COL12A1: variants seen among roughly 807,000 people sequenced by gnomAD.
COL12A1 encodes collagen alpha-1(XII) chain.
Under a neutral mutation model 349.7 loss-of-function variants are expected in COL12A1, and 114 were observed. The ratio of observed to expected loss-of-function variants is 0.33; its 90% CI spans 0.28 to 0.38. The LOEUF is 0.38. Among genes scored for constraint, COL12A1 ranks in the 10% least tolerant of loss-of-function variants. The probability of loss-of-function intolerance (pLI) is 1.00; values close to 1 mark genes in which losing one functional copy is unlikely to be tolerated. For synonymous variants in COL12A1, 1,369 were observed against 1,329.0 expected (o/e 1.03, Z -0.66); for missense variants, 3,284 against 3,756.9 (o/e 0.87, Z 3.29).
chr6:75,171,751 T>C (rs1304135719), intron 13 of COL12A1, among the ~76,000 whole-genome samples: 1 of 152,234 alleles, frequency 6.6e-6, no homozygotes. Flanking sequence ...CTGTATATGG[T>C]ATGTGGATTT....
chr6:75,133,548 A>C (rs989204141), intron 33 of COL12A1, 126 bp from the exon 34 acceptor site: 2 of 977,246 alleles, frequency 2.0e-6, no homozygotes, highest in Non-Finnish European at 3.0e-6. Context: ...AGGATGTCAT[A>C]ATAAGCCCCC....
At chr6:75,102,785 C>T in intron 55 of COL12A1, 93 bp from the exon 56 acceptor site, 2 of 615,310 alleles carry the variant, frequency 3.3e-6, no homozygotes, top group Non-Finnish European at 2.5e-6. Flanking sequence ...AACTCTAAGA[C>T]ATCAATCATA....
rs1769264125 is a variant in COL12A1, at chr6:75,181,202, G to A, written c.1901C>T (p.Pro634Leu). 2 of 1,575,360 alleles carry A rather than the reference G, an allele frequency of 1.3e-6. No homozygotes were observed. The highest frequency in any genetic ancestry group is 1.8e-5 in the Admixed American group (1 of 54,096). Residue 634 changes from proline to leucine, a missense_variant, in exon 11 of 66, where the codon CCT (proline) becomes CTT (leucine). Transcript: ENST00000322507. ...LAAIKKKAYV[P>L]PKDLSFSEVT... ...TTCTGAAAAACTAAGATCCTTTGGA[G>A]GGACGTAAGCTATTTAAAAAAAAAA...
chr6:75,163,453 G>A (rs1483495056), intron 14 of COL12A1, among the ~76,000 whole-genome samples: 1 of 152,128 alleles, frequency 6.6e-6, no homozygotes, highest in Non-Finnish European at 1.5e-5. Flanking sequence ...ATAAGTGGGA[G>A]TTGAACAATA....
intron 57 of COL12A1, 76 bp from the exon 58 acceptor site, chr6:75,101,729 A>G (rs1370039372): frequency 6.5e-7 from 1 of 1,544,578 alleles, no homozygotes; most frequent in Non-Finnish European, 8.8e-7. Context: ...TTATTTTCCA[A>G]ATTTTTTTTT....
intron 64 of COL12A1, 41 bp downstream of exon 64, chr6:75,089,065 T>G (rs761904564): frequency 5.7e-5 from 80 of 1,392,386 alleles, no homozygotes; most frequent in Non-Finnish European, 7.9e-5. Flanking sequence ...GCCCTCTCGG[T>G]ATTTATAGTC....
chr6:75,194,659 G>A (rs1019105014), intron 3 of COL12A1, among the ~76,000 whole-genome samples, 172 bp downstream of exon 3: 4 of 151,874 alleles, frequency 2.6e-5, no homozygotes, highest in Non-Finnish European at 5.9e-5. Context: ...ATATAATAGT[G>A]GACACTAGAC....
At position 75,089,962 on chromosome 6, in the gene COL12A1, A is replaced by G. The variant is rs1306953201; in HGVS notation, c.8941+148T>C. 5.6e-6 allele frequency: 4 copies of G among 710,806 alleles called. No individual in the cohort carries two copies. The South Asian group carries it at 7.1e-5, about 13-fold the overall frequency. The allele number at this position is 710,806 out of a possible 1,614,324, so 44.0% of individuals were successfully genotyped here. A position where few individuals can be genotyped will look rare whatever the true frequency, so the allele number is the denominator to read the frequency against. On this transcript the variant is annotated intron_variant, in intron 63 of 65. Transcript: ENST00000322507. The stretch of plus-strand genomic sequence containing the variant: ...AAGACATGGATCTCTATGGCCTATG[A>G]GTTGCCTAACAGCTCTTCTGAGGCT...
chr6:75,133,499 C>G, intron 33 of COL12A1, 77 bp from the exon 34 acceptor site: 2 of 1,380,628 alleles, frequency 1.4e-6, no homozygotes, highest in Admixed American at 2.1e-5. Flanking sequence ...AACACAATAC[C>G]AACTCAAGAC....
chr6:75,104,758 CCT>C (rs1005889088), intron 54 of COL12A1, among the ~76,000 whole-genome samples: 2 of 152,066 alleles, frequency 1.3e-5, no homozygotes, highest in Non-Finnish European at 2.9e-5. Context: ...TGTAAATTAC[CCT>C]CTCTATATGT....
At position 75,165,713 on chromosome 6, in the gene COL12A1, G is replaced by T; in HGVS notation, c.2777C>A (p.Thr926Lys). 1 of 1,613,966 alleles carries T rather than the reference G, an allele frequency of 6.2e-7. No individual in the cohort carries two copies. The highest frequency in any genetic ancestry group is 8.5e-7 in the Non-Finnish European group (1 of 1,179,900). ...ITDTSIGAYW[T>K]SAPGMVRGYR... ...ACCGCGAACCATTCCTGGAGCAGAT[G>T]TCCAATAAGCCCCAATTGATGTGTC... The change falls in exon 14 of 66, where the codon ACA (threonine) becomes AAA (lysine). Residue 926 changes from threonine (T) to lysine (K), a missense_variant. Coordinates refer to ENST00000322507, the MANE Select transcript of COL12A1 (RefSeq NM_004370.6).
chr6:75,101,582 C>G lies in COL12A1; in HGVS notation c.8523+18G>C, dbSNP rs202002189. The G allele has an allele frequency of 9.0e-5, 145 of 1,609,884 alleles. No individual in the cohort carries two copies. Among genetic ancestry groups the G allele is most frequent in the Middle Eastern group, 1.7e-4 (1 of 6,022 alleles). ...ACATCATTTCCAACATCATTGTAGC[C>G]TGCTCAAGAAAACTTACTCTGTCTC... On this transcript the variant is annotated intron_variant, in intron 58 of 65. Transcript: ENST00000322507.
intron 8 of COL12A1, 148 bp from the exon 9 acceptor site, chr6:75,184,292 T>C: frequency 1.2e-6 from 1 of 852,058 alleles, no homozygotes. Flanking sequence ...CAGTCCCCAA[T>C]TTCACATGTC....
In COL12A1 at chr6:75,109,022, G is replaced by A; in HGVS notation, c.8096C>T (p.Ala2699Val). The change falls in exon 52 of 66, where the codon GCC becomes GTC. Residue 2699 changes from alanine (A) to valine (V), a missense_variant. Ala to Val is a moderately conservative substitution (Grantham distance 64, BLOSUM62 0). This residue lies in a region of COL12A1 where 683 missense variants were observed against 932.1 expected (regional missense o/e 0.73). Transcript: ENST00000322507. ...AAATAAAAATGTGTTACTCACTGCGGCTGATTTCCTTTCCCCTTTAAGGAG... is the reference window on the plus strand; with the variant it reads ...AAATAAAAATGTGTTACTCACTGCGACTGATTTCCTTTCCCCTTTAAGGAG... ...GKLLKGERKS[A>V]AFQIQSFDIV... is the part of the protein sequence containing the mutation. 3 of 1,611,270 alleles carry A rather than the reference G, an allele frequency of 1.9e-6. No individual in the cohort carries two copies. The highest frequency in any genetic ancestry group is 2.5e-6 in the Non-Finnish European group (3 of 1,179,026).
At chr6:75,132,143 A>G in intron 34 of COL12A1, 61 bp from the exon 35 acceptor site, 1 of 1,575,300 alleles carries the variant, frequency 6.3e-7, no homozygotes, top group Non-Finnish European at 8.7e-7. Flanking sequence ...AAGCTTTTGT[A>G]TCACTTTTCC....
chr6:75,133,447 G>A (rs756009991), intron 33 of COL12A1, 25 bp from the exon 34 acceptor site: 1 of 1,589,294 alleles, frequency 6.3e-7, no homozygotes, highest in Non-Finnish European at 8.5e-7. Flanking sequence ...AAAACAAAAA[G>A]CATTGACTTG....
rs1767388181 is a variant in COL12A1 at position 75,084,590 on chromosome 6, A to C, written c.*1957T>G. On this transcript the variant is annotated 3_prime_UTR_variant, in exon 66 of 66. Transcript: ENST00000322507. Reference sequence around the variant, plus strand: ...TATAAATGTTAGTGTGTCTAAAACAAGGAGGTTTAAGGCAATATGGAACTG... The same window carrying C: ...TATAAATGTTAGTGTGTCTAAAACACGGAGGTTTAAGGCAATATGGAACTG... The C allele has an allele frequency of 6.5e-6, 1 of 152,710 alleles. No homozygotes were observed. The highest frequency in any genetic ancestry group is 2.1e-4 in the South Asian group (1 of 4,834). The allele number at this position is 152,710 out of a possible 1,614,324, so 9.5% of individuals were successfully genotyped here. A position where few individuals can be genotyped will look rare whatever the true frequency, so the allele number is the denominator to read the frequency against.
chr6:75,177,876 T>C lies in COL12A1; in HGVS notation c.2224A>G (p.Thr742Ala). 6.2e-7 allele frequency: 1 copy of C among 1,613,746 alleles called. No individual in the cohort carries two copies. Among genetic ancestry groups the C allele is most frequent in the Non-Finnish European group, 8.5e-7 (1 of 1,180,010 alleles). ...TDETTDSFKI[T>A]WTQAPGRVLR... ...ACTCTCCCTGGAGCTTGAGTCCAAGTAATTTTGAAACTATCTGTAGTCTCA... is the reference window on the plus strand; with the variant it reads ...ACTCTCCCTGGAGCTTGAGTCCAAGCAATTTTGAAACTATCTGTAGTCTCA... The change falls in exon 12 of 66, where the codon ACT becomes GCT. Residue 742 changes from threonine (T) to alanine (A), a missense_variant. By Grantham distance (58) the Thr-to-Ala change is moderately conservative (BLOSUM62 0). This residue lies in a region of COL12A1 where 2,601 missense variants were observed against 2,824.8 expected (regional missense o/e 0.92). Coordinates refer to ENST00000322507, the MANE Select transcript of COL12A1 (RefSeq NM_004370.6).
intron 32 of COL12A1, 35 bp from the exon 33 acceptor site, chr6:75,134,032 C>T (rs771567191): frequency 3.8e-6 from 6 of 1,596,574 alleles, no homozygotes; most frequent in Non-Finnish European, 5.1e-6. Flanking sequence ...CAGTATAATG[C>T]TAACAATCAA....
Sources: allele counts gnomAD v4.1 joint callset (sites outside exome capture counted in the v4.1 genomes callset), GRCh38; gene constraint gnomAD v4.1.1; regional missense constraint gnomAD v4.1.1; transcripts MANE v1.5; gene names NCBI Gene and HGNC (gene_info 2026-07-23, HGNC 2026-07-21).